Variants in FBXL7 observed in about 807,000 individuals in gnomAD.
The protein encoded by FBXL7 is F-box and leucine rich repeat protein 7, also known as F-box/LRR-repeat protein 7.
A neutral mutation model predicts 38.3 loss-of-function variants in FBXL7; 12 were observed. The ratio of observed to expected loss-of-function variants is 0.31; its 90% CI spans 0.20 to 0.51. The LOEUF (loss-of-function observed/expected upper bound fraction) is 0.51, where lower values mean the gene tolerates loss of function less well. Ranked by LOEUF, FBXL7 falls within the 20% of genes least tolerant of loss-of-function variation. The pLI is 0.98. For synonymous variants in FBXL7, 297 were observed against 300.9 expected (o/e 0.99, Z 0.13); for missense variants, 567 against 676.4 (o/e 0.84, Z 1.79).
At chr5:15,820,599 C>T (rs889742340) in intron 2 of FBXL7, among the ~76,000 whole-genome samples, 3 of 152,080 alleles carry the variant, frequency 2.0e-5, no homozygotes, top group Admixed American at 6.5e-5. Flanking sequence ...TTCCTGTTTC[C>T]TTTCAAGTGA....
intron 2 of FBXL7, among the ~76,000 whole-genome samples, chr5:15,711,484 C>T (rs192964648): frequency 6.6e-6 from 1 of 152,298 alleles, no homozygotes; most frequent in African/African-American, 2.4e-5. Flanking sequence ...AACCCTATTT[C>T]CAAATAAGGT....
chr5:15,734,016 A>G (rs1307342846), intron 2 of FBXL7, among the ~76,000 whole-genome samples: 1 of 151,874 alleles, frequency 6.6e-6, no homozygotes, highest in African/African-American at 2.4e-5. Context: ...CTGGGGCAGG[A>G]GAATCTCTTG....
intron 2 of FBXL7, among the ~76,000 whole-genome samples, chr5:15,889,009 G>T (rs569178782): frequency 1.3e-5 from 2 of 152,180 alleles, no homozygotes; most frequent in African/African-American, 4.8e-5. Flanking sequence ...TGCTTTTTCT[G>T]TGTCCCTGTA....
chr5:15,728,406 T>A (rs1226390895), intron 2 of FBXL7, among the ~76,000 whole-genome samples: 1 of 152,168 alleles, frequency 6.6e-6, no homozygotes, highest in Admixed American at 6.5e-5. Context: ...GGACTGGGAT[T>A]TGAATGTCCA....
At chr5:15,855,697 G>T (rs1335675364) in intron 2 of FBXL7, among the ~76,000 whole-genome samples, 1 of 152,158 alleles carries the variant, frequency 6.6e-6, no homozygotes, top group African/African-American at 2.4e-5. Flanking sequence ...AATTAGCAGG[G>T]AGTGGAGGGA....
At chr5:15,777,465 AG>A (rs750005662) in intron 2 of FBXL7, among the ~76,000 whole-genome samples, 8 of 152,048 alleles carry the variant, frequency 5.3e-5, no homozygotes, top group Non-Finnish European at 1.2e-4. Context: ...GGAAGGCAAA[AG>A]AGTGAAATTG....
chr5:15,656,872 C>T (rs1044301807), intron 2 of FBXL7, among the ~76,000 whole-genome samples: 1 of 151,902 alleles, frequency 6.6e-6, no homozygotes, highest in Non-Finnish European at 1.5e-5. Context: ...ATAAATCAAT[C>T]TGGAAATGAC....
intron 1 of FBXL7, among the ~76,000 whole-genome samples, chr5:15,612,023 CTTAA>C (rs1237914294): frequency 2.0e-5 from 3 of 151,770 alleles, no homozygotes; most frequent in Admixed American, 6.6e-5. Flanking sequence ...TCTTTACTTC[CTTAA>C]TTAATTAAAT....
chr5:15,601,485 C>T (rs1165752742), intron 1 of FBXL7, among the ~76,000 whole-genome samples: 1 of 152,184 alleles, frequency 6.6e-6, no homozygotes, highest in Non-Finnish European at 1.5e-5. Context: ...CAGCTGGCAT[C>T]TGTGTTAACT....
At chr5:15,720,522 C>A (rs951211627) in intron 2 of FBXL7, among the ~76,000 whole-genome samples, 2 of 148,596 alleles carry the variant, frequency 1.3e-5, no homozygotes, top group African/African-American at 2.5e-5. Flanking sequence ...TTGTAAATAT[C>A]ATTGAATAAC....
chr5:15,603,390 A>G (rs78141078), intron 1 of FBXL7, among the ~76,000 whole-genome samples: 4,731 of 152,162 alleles, frequency 0.031, 112 homozygotes, highest in East Asian at 0.056. Flanking sequence ...TTTTTTTCTC[A>G]TGATACTTCT....
At chr5:15,637,849 A>G (rs1487282378) in intron 2 of FBXL7, among the ~76,000 whole-genome samples, 1 of 152,236 alleles carries the variant, frequency 6.6e-6, no homozygotes, top group Non-Finnish European at 1.5e-5. Flanking sequence ...AAGCGATGTC[A>G]TATTTTTAAA....
intron 2 of FBXL7, among the ~76,000 whole-genome samples, chr5:15,845,071 C>T (rs1738856369): frequency 6.6e-6 from 1 of 152,220 alleles, no homozygotes; most frequent in Non-Finnish European, 1.5e-5. Flanking sequence ...AGCCATCCTG[C>T]AGCCTGGGAC....
At chr5:15,759,034 A>G (rs1344170400) in intron 2 of FBXL7, among the ~76,000 whole-genome samples, 2 of 152,200 alleles carry the variant, frequency 1.3e-5, no homozygotes, top group Non-Finnish European at 2.9e-5. Context: ...AGAGGTTATT[A>G]TACTTTCTTG....
intron 2 of FBXL7, among the ~76,000 whole-genome samples, chr5:15,800,623 G>C (rs764860461): frequency 6.6e-6 from 1 of 152,138 alleles, no homozygotes; most frequent in Non-Finnish European, 1.5e-5. Context: ...TATTTTGTAC[G>C]TGATAAAATG....
At chr5:15,931,506 C>T (rs568338803) in intron 3 of FBXL7, among the ~76,000 whole-genome samples, 2 of 152,250 alleles carry the variant, frequency 1.3e-5, no homozygotes, top group South Asian at 2.1e-4. Flanking sequence ...CCAGCCATTC[C>T]TTCTTATACC....
intron 1 of FBXL7, among the ~76,000 whole-genome samples, chr5:15,541,701 C>T (rs796560628): frequency 1.2e-3 from 178 of 151,290 alleles, no homozygotes; most frequent in African/African-American, 4.1e-3. Context: ...CCCGCCACCA[C>T]GCTTGGCTGA....
chr5:15,603,634 G>T (rs1317198258), intron 1 of FBXL7, among the ~76,000 whole-genome samples: 1 of 152,220 alleles, frequency 6.6e-6, no homozygotes, highest in Non-Finnish European at 1.5e-5. Flanking sequence ...GATCACTCCA[G>T]TTATAGACAT....
intron 2 of FBXL7, among the ~76,000 whole-genome samples, chr5:15,724,656 C>T (rs79979267): frequency 0.052 from 7,941 of 152,268 alleles, 295 homozygotes; most frequent in Non-Finnish European, 0.078. Context: ...TCAACTATCA[C>T]ATTTATGAAT....
Sources: gnomAD v4.1 joint callset for allele counts (sites outside exome capture counted in the v4.1 genomes callset) on GRCh38, gnomAD v4.1.1 for gene constraint, MANE v1.5 for transcripts, NCBI Gene and HGNC (gene_info 2026-07-23, HGNC 2026-07-21) for gene names.